The following TEX101 variants were observed in gnomAD, a reference collection of about 807,000 sequenced individuals.
The protein encoded by TEX101 is testis expressed 101.
In TEX101, 10 loss-of-function variants were observed where a neutral mutation model predicts 18.1. The observed-to-expected ratio is 0.55, with a 90% confidence interval of 0.34 to 0.94. The LOEUF (loss-of-function observed/expected upper bound fraction) is 0.94. Ranked by LOEUF, TEX101 falls within the 40% of genes least tolerant of loss-of-function variation. TEX101 has a pLI of 0.02. For missense variants in TEX101, 259 were observed against 298.9 expected (o/e 0.87, Z 0.98); for synonymous variants, 94 against 114.8 (o/e 0.82, Z 1.16).
chr19:43,391,176 C>T, the TEX101 span, among the ~76,000 whole-genome samples: 2 of 152,188 alleles, frequency 1.3e-5, no homozygotes, highest in Non-Finnish European at 2.9e-5. Context: ...TTTCCAACTT[C>T]TAGCTATTGT....
At chr19:43,390,384 G>C in the TEX101 span, among the ~76,000 whole-genome samples, 3 of 147,092 alleles carry the variant, frequency 2.0e-5, no homozygotes, top group Admixed American at 2.0e-4. Flanking sequence ...TGTAAATTAT[G>C]GTAAAATATA....
chr19:43,407,316 C>T (rs1970375417), intron 3 of TEX101, among the ~76,000 whole-genome samples: 1 of 152,078 alleles, frequency 6.6e-6, no homozygotes, highest in African/African-American at 2.4e-5. Context: ...AAACCCCCAT[C>T]TCTACTGAAA....
chr19:43,404,671 G>A (rs1217466314), intron 2 of TEX101, among the ~76,000 whole-genome samples: 1 of 151,756 alleles, frequency 6.6e-6, no homozygotes, highest in South Asian at 2.1e-4. Flanking sequence ...ATGTATGTGT[G>A]TGCGTGTATC....
At chr19:43,408,524 T>A (rs1599899639) in intron 3 of TEX101, among the ~76,000 whole-genome samples, 1 of 151,648 alleles carries the variant, frequency 6.6e-6, no homozygotes, top group African/African-American at 2.4e-5. Flanking sequence ...AAATGGCGAG[T>A]TGGGGGTGGA....
chr19:43,403,067 C>T (rs924077733), intron 2 of TEX101, among the ~76,000 whole-genome samples: 1 of 152,148 alleles, frequency 6.6e-6, no homozygotes, highest in African/African-American at 2.4e-5. Flanking sequence ...CTCCCATATC[C>T]CAACTGCCAT....
the TEX101 span, among the ~76,000 whole-genome samples, chr19:43,391,689 C>A: frequency 0.11 from 16,429 of 152,132 alleles, 1,087 homozygotes; most frequent in Middle Eastern, 0.18. Flanking sequence ...GCCACAGCTG[C>A]CCAGTATCCA....
the TEX101 span, among the ~76,000 whole-genome samples, chr19:43,391,231 C>T: frequency 2.6e-5 from 4 of 152,102 alleles, no homozygotes; most frequent in African/African-American, 7.2e-5. Flanking sequence ...TCTGCTGGGG[C>T]CCCTGCTTTC....
At chr19:43,412,461 CTA>C (rs1409836933), upstream of TEX101, among the ~76,000 whole-genome samples, 2 of 152,160 alleles carry the variant, frequency 1.3e-5, no homozygotes, top group South Asian at 2.1e-4. Context: ...AATATCCAAA[CTA>C]TGTCACGGAG....
In TEX101 at chr19:43,418,321, C is replaced by T; in HGVS notation, c.674C>T (p.Thr225Ile). Residue 225 changes from threonine (T) to isoleucine (I), a missense_variant, in exon 6 of 6, where the codon ACC becomes ATC. Physicochemically the swap from Thr to Ile is moderately conservative, Grantham distance 89. Coordinates refer to ENST00000598265, the MANE Select transcript of TEX101 (RefSeq NM_001130011.3). ...TQPRKTENGA[T>I]CLPIPVWGLQ... ...CCTCGAAAGACTGAAAATGGGGCCA[C>T]CTGTCTTCCCATTCCTGTTTGGGGG... The T allele has an allele frequency of 6.2e-7, 1 of 1,614,192 alleles. No homozygotes were observed. Among genetic ancestry groups the T allele is most frequent in the South Asian group, 1.1e-5 (1 of 91,076 alleles).
At chr19:43,403,655 T>C (rs1185047743) in intron 2 of TEX101, among the ~76,000 whole-genome samples, 2 of 151,706 alleles carry the variant, frequency 1.3e-5, no homozygotes, top group South Asian at 4.1e-4. Flanking sequence ...AATGTTCTAA[T>C]TGATTTTAAA....
intron 3 of TEX101, among the ~76,000 whole-genome samples, chr19:43,407,135 C>T (rs1226976772): frequency 6.6e-6 from 1 of 152,016 alleles, no homozygotes; most frequent in Admixed American, 6.6e-5. Flanking sequence ...GATGTGGGCT[C>T]TTCCTATCAT....
chr19:43,389,955 C>T, the TEX101 span, among the ~76,000 whole-genome samples: 1 of 151,740 alleles, frequency 6.6e-6, no homozygotes, highest in African/African-American at 2.4e-5. Flanking sequence ...TCCGAGCCAG[C>T]TTCTTCTCTG....
At chr19:43,397,126 G>A (rs528588257), upstream of TEX101, among the ~76,000 whole-genome samples, 3 of 152,106 alleles carry the variant, frequency 2.0e-5, no homozygotes, top group East Asian at 1.9e-4. Flanking sequence ...ATGAGCCACC[G>A]CACCCAGCCT....
At chr19:43,417,160 G>A (rs1970489178) in intron 4 of TEX101, among the ~76,000 whole-genome samples, 1 of 151,982 alleles carries the variant, frequency 6.6e-6, no homozygotes, top group South Asian at 2.1e-4. Context: ...TACAAGGCCT[G>A]TAGTAACTTG....
At chr19:43,408,193 AGGGC>A (rs1970386982) in intron 3 of TEX101, among the ~76,000 whole-genome samples, 1 of 152,180 alleles carries the variant, frequency 6.6e-6, no homozygotes, top group South Asian at 2.1e-4. Flanking sequence ...GGGCTTTCCG[AGGGC>A]TGCAAGGAAC....
upstream of TEX101, among the ~76,000 whole-genome samples, chr19:43,411,429 G>A (rs144325416): frequency 5.1e-3 from 769 of 152,182 alleles, 8 homozygotes; most frequent in Middle Eastern, 0.01. Context: ...TTAAGAGATC[G>A]CTCTGGTGCC....
chr19:43,415,891 G>T lies in TEX101; in HGVS notation c.-29G>T. On this transcript the variant is annotated 5_prime_UTR_variant, in exon 2 of 6. Transcript: ENST00000598265. ...CCATCAAATTCACAGATCCAGACCA[G>T]CTCCTCCCAGACCTCTCCAGAAGAA... 6.2e-7 allele frequency: 1 copy of T among 1,614,082 alleles called. No homozygotes were observed. The highest frequency in any genetic ancestry group is 8.5e-7 in the Non-Finnish European group (1 of 1,180,018).
At position 43,414,923 on chromosome 19, in the gene TEX101, G is replaced by A. The variant is rs780209738; in HGVS notation, c.-155G>A. 39 of 985,318 alleles carry A rather than the reference G, an allele frequency of 4.0e-5. No individual in the cohort carries two copies. The highest frequency in any genetic ancestry group is 9.4e-5 in the South Asian group (2 of 21,294). 61.0% of individuals were successfully genotyped at this position (985,318 alleles called of 1,614,324 possible). ...GCCAAGCCCGGGGAGAAGGCGTTCC[G>A]GGCCTCAACTTTGGCGTCGTGAGAT... On this transcript the variant is annotated 5_prime_UTR_variant, in exon 1 of 6. Coordinates refer to ENST00000598265, the MANE Select transcript of TEX101 (RefSeq NM_001130011.3).
chr19:43,406,931 G>GTTTTTTTT (rs1002990799), intron 3 of TEX101, among the ~76,000 whole-genome samples: 10 of 116,110 alleles, frequency 8.6e-5, no homozygotes, highest in Non-Finnish European at 1.4e-4. Flanking sequence ...TTTGTTTTTT[G>GTTTTTTTT]TTTTTTTTTT....
Sources: allele counts gnomAD v4.1 joint callset (sites outside exome capture counted in the v4.1 genomes callset), GRCh38; gene constraint gnomAD v4.1.1; transcripts MANE v1.5; gene names NCBI Gene and HGNC (gene_info 2026-07-23, HGNC 2026-07-21).